The following CABLES1 variants were observed in gnomAD, a reference collection of about 807,000 sequenced individuals.
CABLES1 encodes the protein CDK5 and ABL1 enzyme substrate 1.
In CABLES1, 36 loss-of-function variants were observed where a neutral mutation model predicts 57.8. The ratio of observed to expected loss-of-function variants is 0.62; its 90% confidence interval spans 0.48 to 0.82. The LOEUF (loss-of-function observed/expected upper bound fraction) is 0.82. Ranked by LOEUF, CABLES1 falls within the 40% of genes least tolerant of loss-of-function variation. The pLI is 0.00. For missense variants in CABLES1, 767 were observed against 836.6 expected, an observed-to-expected ratio of 0.92 and a Z score of 1.03; for synonymous variants, 374 against 363.0, an observed-to-expected ratio of 1.03 and a Z score of -0.35.
chr18:23,149,879 G>A (rs1305647191), intron 1 of CABLES1: 1 of 152,256 alleles, frequency 6.6e-6, no homozygotes, highest in African/African-American at 2.4e-5. Flanking sequence ...GGACCTTCTG[G>A]AAGATGTGAA....
At chr18:23,188,080 A>G (rs933565199) in intron 1 of CABLES1, among the ~76,000 whole-genome samples, 1 of 152,190 alleles carries the variant, frequency 6.6e-6, no homozygotes, top group African/African-American at 2.4e-5. Context: ...TCTTTGTTCA[A>G]GTAGATTTAT....
chr18:23,214,287 A>G (rs2047425968), intron 4 of CABLES1: 1 of 444,344 alleles, frequency 2.3e-6, no homozygotes, highest in East Asian at 3.9e-5. Flanking sequence ...TTCTAAATCT[A>G]CATTTTGTTA....
chr18:23,188,662 C>G (rs2047220060), intron 1 of CABLES1, among the ~76,000 whole-genome samples, 176 bp from the exon 2 acceptor site: 1 of 152,056 alleles, frequency 6.6e-6, no homozygotes, highest in South Asian at 2.1e-4. Flanking sequence ...ATTCAGCCAG[C>G]AAGATGGGCC....
chr18:23,161,923 A>C (rs78957153), intron 1 of CABLES1, among the ~76,000 whole-genome samples: 1 of 145,178 alleles, frequency 6.9e-6, no homozygotes, highest in Non-Finnish European at 1.5e-5. Flanking sequence ...ACTCCGTCTC[A>C]AAAAAAAAAA....
intron 1 of CABLES1, among the ~76,000 whole-genome samples, chr18:23,159,315 G>A (rs545683215): frequency 6.6e-6 from 1 of 152,346 alleles, no homozygotes; most frequent in East Asian, 1.9e-4. Context: ...TGGAGCGGTT[G>A]TTCTGTTACT....
In CABLES1 at chr18:23,213,983, C is replaced by T. The variant is rs2047423388; in HGVS notation, c.1017C>T (p.Val339=). Reference sequence around the variant, plus strand: ...TCTTCTTTTTATTTTTTAGAATAGTCCTTATCAGTGGCAGAAGATCCTTCT... The same window carrying T: ...TCTTCTTTTTATTTTTTAGAATAGTTCTTATCAGTGGCAGAAGATCCTTCT... The part of the protein sequence containing the change: ...RQHDTRNGRI[V]LISGRRSFCS... Residue 339 remains valine (V), a synonymous_variant, in exon 4 of 10, where the codon GTC becomes GTT. Transcript: ENST00000256925. The T allele has an allele frequency of 3.1e-6, 5 of 1,601,116 alleles. No individual in the cohort carries two copies. Among genetic ancestry groups the T allele is most frequent in the Middle Eastern group, 1.7e-4 (1 of 6,060 alleles).
intron 1 of CABLES1, among the ~76,000 whole-genome samples, chr18:23,187,252 A>G (rs544241105): frequency 6.6e-6 from 1 of 152,300 alleles, no homozygotes; most frequent in East Asian, 1.9e-4. Flanking sequence ...GTGAAACTAC[A>G]GTTTCTGTAG....
intron 1 of CABLES1, among the ~76,000 whole-genome samples, chr18:23,175,030 G>T (rs1184293038): frequency 2.6e-5 from 4 of 151,494 alleles, no homozygotes; most frequent in African/African-American, 9.7e-5. Flanking sequence ...ATTGAATTGG[G>T]CCTTGACATG....
chr18:23,223,099 T>G (rs2047501261), intron 4 of CABLES1, among the ~76,000 whole-genome samples: 1 of 152,196 alleles, frequency 6.6e-6, no homozygotes, highest in African/African-American at 2.4e-5. Flanking sequence ...AAGGTCACAC[T>G]GGCTTCTGCA....
intron 3 of CABLES1, among the ~76,000 whole-genome samples, chr18:23,195,382 A>G (rs1036498874): frequency 1.3e-5 from 2 of 152,160 alleles, no homozygotes; most frequent in Admixed American, 6.5e-5. Context: ...TTGATCTCCT[A>G]ATTTATAGAA....
At chr18:23,174,861 T>TATATATATATATATATATA in intron 1 of CABLES1, among the ~76,000 whole-genome samples, 1 of 139,932 alleles carries the variant, frequency 7.1e-6, no homozygotes, top group African/African-American at 2.7e-5. Context: ...TATATATATA[T>TATATATATATATATATATA]GTTTTTTAAA....
intron 9 of CABLES1, among the ~76,000 whole-genome samples, chr18:23,255,371 A>C (rs1028243854): frequency 9.9e-5 from 15 of 152,124 alleles, no homozygotes; most frequent in African/African-American, 3.6e-4. Flanking sequence ...AAAAAGCAGA[A>C]AGGGCACTAA....
At chr18:23,245,005 C>A (rs2047838909) in intron 7 of CABLES1, among the ~76,000 whole-genome samples, 1 of 152,204 alleles carries the variant, frequency 6.6e-6, no homozygotes, top group South Asian at 2.1e-4. Context: ...GGAATCAGAC[C>A]AACAACCTGT....
At chr18:23,246,850 G>A (rs529737052) in intron 7 of CABLES1, among the ~76,000 whole-genome samples, 3 of 150,024 alleles carry the variant, frequency 2.0e-5, no homozygotes, top group Admixed American at 6.6e-5. Context: ...GCACCACCAC[G>A]CCCAGCTAAT....
chr18:23,145,005 G>A (rs1160266574), intron 1 of CABLES1, among the ~76,000 whole-genome samples: 4 of 150,512 alleles, frequency 2.7e-5, no homozygotes, highest in East Asian at 1.9e-4. Context: ...GCGCAATCTC[G>A]GCTCACTGCA....
intron 7 of CABLES1, among the ~76,000 whole-genome samples, chr18:23,241,710 G>A (rs770217336): frequency 6.6e-6 from 1 of 152,096 alleles, no homozygotes; most frequent in Non-Finnish European, 1.5e-5. Flanking sequence ...CTGAGTCCTG[G>A]TGTAGGTGAT....
intron 5 of CABLES1, 41 bp downstream of exon 5, chr18:23,234,745 G>C (rs2047591116): frequency 1.3e-6 from 2 of 1,530,552 alleles, no homozygotes; most frequent in East Asian, 4.5e-5. Context: ...TGTGCTGAAG[G>C]CACAAGGGTC....
At chr18:23,207,393 C>T (rs2047371957) in intron 3 of CABLES1, among the ~76,000 whole-genome samples, 1 of 152,234 alleles carries the variant, frequency 6.6e-6, no homozygotes, top group Non-Finnish European at 1.5e-5. Flanking sequence ...AACCTTGACT[C>T]ATGCCAGTTT....
At chr18:23,196,558 C>T (rs1011979902) in intron 3 of CABLES1, among the ~76,000 whole-genome samples, 2 of 152,130 alleles carry the variant, frequency 1.3e-5, no homozygotes, top group African/African-American at 2.4e-5. Flanking sequence ...CCCAGCCTTT[C>T]GAGAGAGGAA....
Sources: allele counts gnomAD v4.1 joint callset (sites outside exome capture counted in the v4.1 genomes callset), GRCh38; gene constraint gnomAD v4.1.1; transcripts MANE v1.5; gene names NCBI Gene and HGNC (gene_info 2026-07-23, HGNC 2026-07-21).